The following ZC3H12B variants were observed in gnomAD, a reference collection of about 807,000 sequenced individuals.
The protein encoded by ZC3H12B is probable ribonuclease ZC3H12B.
In ZC3H12B, 7 loss-of-function variants were observed where a neutral mutation model predicts 43.9. The ratio of observed to expected loss-of-function variants is 0.16; its 90% CI spans 0.09 to 0.30. The LOEUF is 0.30. ZC3H12B is among the 10% of genes least tolerant of loss of function. ZC3H12B has a pLI of 1.00. For synonymous variants in ZC3H12B, 222 were observed against 241.7 expected (o/e 0.92, Z 0.76); for missense variants, 475 against 670.2 (o/e 0.71, Z 3.22).
At chrX:65,317,768 C>A in the ZC3H12B span, among the ~76,000 whole-genome samples, 1 of 103,067 alleles carries the variant, frequency 9.7e-6, no homozygotes. Context: ...TACACACACA[C>A]ACTATATATA....
At chrX:65,373,025 G>A (rs2066269406) in intron 2 of ZC3H12B, among the ~76,000 whole-genome samples, 1 of 111,675 alleles carries the variant, frequency 9.0e-6, no homozygotes, top group Admixed American at 9.5e-5. Context: ...CCTATGGTGG[G>A]CCTTGTAGAT....
chrX:65,230,907 G>A, the ZC3H12B span, among the ~76,000 whole-genome samples: 1 of 111,890 alleles, frequency 8.9e-6, no homozygotes, highest in Admixed American at 9.5e-5. Context: ...TGTAATTTTG[G>A]TGTGTCAACC....
chrX:65,486,483 A>G (rs1234121003), upstream of ZC3H12B, among the ~76,000 whole-genome samples: 3 of 112,121 alleles, frequency 2.7e-5, no homozygotes, highest in African/African-American at 9.7e-5. Flanking sequence ...TGCATTATAA[A>G]AGAAACACAT....
At chrX:65,113,985 G>GTA in the ZC3H12B span, among the ~76,000 whole-genome samples, 711 of 47,348 alleles carry the variant, frequency 0.015, 21 homozygotes, top group Non-Finnish European at 0.022. Flanking sequence ...AGATATGCTT[G>GTA]TATATATATA....
chrX:65,148,401 G>T, the ZC3H12B span, among the ~76,000 whole-genome samples: 1 of 111,983 alleles, frequency 8.9e-6, no homozygotes, highest in Non-Finnish European at 1.9e-5. Flanking sequence ...AGTACTGCTG[G>T]TGGTCCAGAG....
the ZC3H12B span, among the ~76,000 whole-genome samples, chrX:65,102,517 G>T: frequency 2.7e-5 from 3 of 111,749 alleles, no homozygotes; most frequent in Non-Finnish European, 5.6e-5. Context: ...TCCTTAAGCA[G>T]ATAAGCAACG....
intron 3 of ZC3H12B, among the ~76,000 whole-genome samples, chrX:65,456,885 G>T (rs1297636000): frequency 1.8e-5 from 2 of 108,689 alleles, no homozygotes; most frequent in African/African-American, 6.7e-5. Context: ...AGTGAGGAGC[G>T]TCTCTGCCTG....
chrX:65,411,675 G>A (rs1221621891), intron 3 of ZC3H12B, among the ~76,000 whole-genome samples: 9 of 110,081 alleles, frequency 8.2e-5, no homozygotes, highest in East Asian at 2.8e-4. Context: ...GCAGTGAGCC[G>A]AGTTCATGCC....
At chrX:65,212,351 AATT>A in the ZC3H12B span, among the ~76,000 whole-genome samples, 6 of 53,407 alleles carry the variant, frequency 1.1e-4, no homozygotes, top group African/African-American at 3.1e-4. Context: ...ATATAAATAT[AATT>A]ATTATATTTA....
At chrX:65,324,146 C>T in the ZC3H12B span, among the ~76,000 whole-genome samples, 1 of 111,932 alleles carries the variant, frequency 8.9e-6, no homozygotes, top group Non-Finnish European at 1.9e-5. Context: ...CTGTAGGTTG[C>T]CTGTTCACTC....
the ZC3H12B span, among the ~76,000 whole-genome samples, chrX:65,096,910 G>A: frequency 3.4e-4 from 38 of 111,374 alleles, no homozygotes; most frequent in Non-Finnish European, 5.7e-4. Flanking sequence ...ATAAACAAAA[G>A]TTCTGTGGAG....
the ZC3H12B span, among the ~76,000 whole-genome samples, chrX:65,061,303 C>T: frequency 9.1e-6 from 1 of 110,456 alleles, no homozygotes; most frequent in African/African-American, 3.4e-5. Context: ...TCTCCTAATG[C>T]TATCCCTCCT....
chrX:65,157,155 AT>A, the ZC3H12B span, among the ~76,000 whole-genome samples: 21 of 109,923 alleles, frequency 1.9e-4, no homozygotes, highest in Non-Finnish European at 3.8e-4. Flanking sequence ...TGATTTTTGT[AT>A]TTTTTGTAGA....
chrX:65,211,729 T>C, the ZC3H12B span, among the ~76,000 whole-genome samples: 1 of 85,376 alleles, frequency 1.2e-5, no homozygotes, highest in East Asian at 3.5e-4. Flanking sequence ...TATTTTTATG[T>C]AATAATATAT....
chrX:65,212,921 G>T, the ZC3H12B span, among the ~76,000 whole-genome samples: 1 of 106,470 alleles, frequency 9.4e-6, no homozygotes, highest in East Asian at 2.9e-4. Context: ...CAACCAGTTT[G>T]TTCACTTAAT....
the ZC3H12B span, among the ~76,000 whole-genome samples, chrX:65,277,965 T>C: frequency 9.0e-6 from 1 of 110,798 alleles, no homozygotes; most frequent in African/African-American, 3.3e-5. Flanking sequence ...ACGTTATTTA[T>C]AGAATAAATA....
the ZC3H12B span, among the ~76,000 whole-genome samples, chrX:65,158,353 C>A: frequency 9.0e-6 from 1 of 111,598 alleles, no homozygotes; most frequent in Non-Finnish European, 1.9e-5. Flanking sequence ...GCCACACTGA[C>A]TTCCACAATG....
the ZC3H12B span, among the ~76,000 whole-genome samples, chrX:65,315,217 G>T: frequency 9.0e-6 from 1 of 110,804 alleles, no homozygotes; most frequent in South Asian, 3.8e-4. Flanking sequence ...TAAATATTAT[G>T]ATATGGATTG....
chrX:65,380,355 C>G (rs2066418660), intron 2 of ZC3H12B, among the ~76,000 whole-genome samples: 1 of 111,220 alleles, frequency 9.0e-6, no homozygotes, highest in Non-Finnish European at 1.9e-5. Context: ...TCCAGCCAAA[C>G]TAAGCTTCAT....
Sources: allele counts gnomAD v4.1 joint callset (sites outside exome capture counted in the v4.1 genomes callset), GRCh38; gene constraint gnomAD v4.1.1; transcripts MANE v1.5; gene names NCBI Gene and HGNC (gene_info 2026-07-23, HGNC 2026-07-21).